Variants in RBFOX2 observed in about 807,000 individuals in gnomAD.
RBFOX2 encodes RNA binding fox-1 homolog 2.
A neutral mutation model predicts 49.1 loss-of-function variants in RBFOX2; 10 were observed. The observed-to-expected ratio is 0.20, with a 90% CI of 0.13 to 0.35. The LOEUF (loss-of-function observed/expected upper bound fraction) is 0.35, where lower values mean the gene tolerates loss of function less well. Ranked by LOEUF, RBFOX2 falls within the 10% of genes least tolerant of loss-of-function variation. The pLI, the probability that RBFOX2 is intolerant of heterozygous loss-of-function variation, is 1.00. For synonymous variants in RBFOX2, 183 were observed against 187.4 expected, an observed-to-expected ratio of 0.98 and a Z score of 0.19; for missense variants, 323 against 486.9, an observed-to-expected ratio of 0.66 and a Z score of 3.17.
chr22:35,952,132 G>A (rs771218886), intron 1 of RBFOX2, among the ~76,000 whole-genome samples: 5 of 152,162 alleles, frequency 3.3e-5, no homozygotes, highest in Non-Finnish European at 4.4e-5. Flanking sequence ...CACTAAGTCT[G>A]TAACAAGCTT....
Position 35,913,505 on chromosome 22 carries a change from G to GTGTA in RBFOX2, c.-34+25341_-34+25342insTACA, listed in dbSNP as rs1556391243. Among the ~76,000 whole-genome samples, 262 of 148,208 alleles carry GTGTA rather than the reference G, an allele frequency of 1.8e-3. 12 individuals are homozygous for GTGTA. Among genetic ancestry groups the GTGTA allele is most frequent in the African/African-American group, 6.1e-3 (243 of 39,770 alleles). ...TGTGTGTGTGTGTGTGTGTGTGTGT[G>GTGTA]TATACATATATAATTATATCATTAT... On this transcript the variant is annotated intron_variant, in intron 1 of 13. Transcript: ENST00000359369.
chr22:35,834,537 A>G (rs1957323177), intron 1 of RBFOX2, among the ~76,000 whole-genome samples: 1 of 152,200 alleles, frequency 6.6e-6, no homozygotes, highest in African/African-American at 2.4e-5. Flanking sequence ...AGTGAAGACA[A>G]AGCAGAATGA....
chr22:36,009,825 C>T (rs1212537174), intron 1 of RBFOX2, among the ~76,000 whole-genome samples: 1 of 152,194 alleles, frequency 6.6e-6, no homozygotes, highest in African/African-American at 2.4e-5. Context: ...TCCATCCAAG[C>T]AGTGTATTAA....
At chr22:35,981,996 A>G (rs2057480112) in intron 1 of RBFOX2, among the ~76,000 whole-genome samples, 1 of 152,198 alleles carries the variant, frequency 6.6e-6, no homozygotes, top group South Asian at 2.1e-4. Flanking sequence ...TAGGCATAAC[A>G]GCTACAATAA....
At chr22:35,937,496 G>A (rs2053223790) in intron 1 of RBFOX2, among the ~76,000 whole-genome samples, 1 of 152,168 alleles carries the variant, frequency 6.6e-6, no homozygotes, top group East Asian at 1.9e-4. Flanking sequence ...GCAAGAATTG[G>A]ACAAATACTC....
chr22:35,805,716 A>G (rs912611385), intron 2 of RBFOX2, among the ~76,000 whole-genome samples: 2 of 152,252 alleles, frequency 1.3e-5, no homozygotes, highest in Non-Finnish European at 2.9e-5. Flanking sequence ...AAAATCTGGA[A>G]GCAACCAAGA....
chr22:35,890,883 A>G (rs1353691033), intron 1 of RBFOX2, among the ~76,000 whole-genome samples: 2 of 152,050 alleles, frequency 1.3e-5, no homozygotes, highest in African/African-American at 4.8e-5. Flanking sequence ...TTAAAAGATG[A>G]GATTGCGTTT....
chr22:35,935,377 CAATGGATTGTCATCCCATAAAG>C, intron 1 of RBFOX2, among the ~76,000 whole-genome samples: 1 of 152,140 alleles, frequency 6.6e-6, no homozygotes, highest in East Asian at 1.9e-4. Flanking sequence ...TTTATAAAAG[CAATGGATTGTCATCCCATAAAG>C]CTTCTTAATA....
At chr22:35,819,942 GGAA>G (rs1391363426) in intron 1 of RBFOX2, among the ~76,000 whole-genome samples, 1 of 152,232 alleles carries the variant, frequency 6.6e-6, no homozygotes, top group Admixed American at 6.5e-5. Flanking sequence ...GTATCTGGAT[GGAA>G]GAAGACTCCA....
chr22:35,787,668 T>C (rs1238639530), intron 2 of RBFOX2, among the ~76,000 whole-genome samples: 6 of 152,224 alleles, frequency 3.9e-5, no homozygotes. Context: ...TTTTAAGTCT[T>C]ATCTTTGTGA....
At chr22:35,774,664 T>C (rs1274617290) in intron 4 of RBFOX2, among the ~76,000 whole-genome samples, 1 of 152,088 alleles carries the variant, frequency 6.6e-6, no homozygotes, top group Non-Finnish European at 1.5e-5. Flanking sequence ...AGGAAAAAAC[T>C]AGTCAACAAC....
At chr22:35,990,902 G>A (rs1005990772) in intron 1 of RBFOX2, among the ~76,000 whole-genome samples, 6 of 152,134 alleles carry the variant, frequency 3.9e-5, no homozygotes, top group Non-Finnish European at 8.8e-5. Flanking sequence ...TGTAAGCATT[G>A]GAGAGGGGAG....
chr22:35,884,147 C>T (rs1211201363), intron 1 of RBFOX2, among the ~76,000 whole-genome samples: 1 of 151,796 alleles, frequency 6.6e-6, no homozygotes, highest in African/African-American at 2.4e-5. Context: ...CAGGCACGCA[C>T]CACCTTGCCC....
chr22:35,992,487 T>G (rs1026585171), intron 1 of RBFOX2: 1 of 152,180 alleles, frequency 6.6e-6, no homozygotes, highest in African/African-American at 2.4e-5. Context: ...AGAGATAATT[T>G]TAAATTCCTT....
intron 6 of RBFOX2, among the ~76,000 whole-genome samples, chr22:35,761,677 G>A (rs1418754898): frequency 1.3e-5 from 2 of 152,096 alleles, no homozygotes; most frequent in East Asian, 3.9e-4. Flanking sequence ...GGGCTGGGGG[G>A]CTTGGCAGGT....
At chr22:35,741,324 A>T (rs984890356) in exon 12 of RBFOX2, 26 of 152,408 alleles carry the variant, frequency 1.7e-4, no homozygotes, top group African/African-American at 6.2e-4. Context: ...ACTGTGATTT[A>T]GCATCAGTAA....
exon 11 of RBFOX2, chr22:35,745,979 T>G (rs760284992): frequency 1.2e-6 from 2 of 1,613,738 alleles, no homozygotes. Flanking sequence ...GGGTCGGCTG[T>G]GTACACCCTG....
intron 1 of RBFOX2, among the ~76,000 whole-genome samples, chr22:36,020,788 A>G (rs2059215228): frequency 6.6e-6 from 1 of 152,186 alleles, no homozygotes; most frequent in African/African-American, 2.4e-5. Flanking sequence ...ACACTTTTAC[A>G]CTGTTGGTGG....
At chr22:36,001,513 T>A (rs1012401676) in intron 1 of RBFOX2, among the ~76,000 whole-genome samples, 5 of 152,264 alleles carry the variant, frequency 3.3e-5, no homozygotes, top group Admixed American at 3.3e-4. Context: ...GTAATCCTAG[T>A]ACTTTGAGAA....
Sources: gnomAD v4.1 joint callset for allele counts (sites outside exome capture counted in the v4.1 genomes callset) on GRCh38, gnomAD v4.1.1 for gene constraint, MANE v1.5 for transcripts, NCBI Gene and HGNC (gene_info 2026-07-23, HGNC 2026-07-21) for gene names.